The following ZGRF1 variants were observed in gnomAD, a reference collection of about 807,000 sequenced individuals.
ZGRF1 encodes the protein zinc finger GRF-type containing 1.
ZGRF1 carries 196 observed loss-of-function variants against 203.5 expected under a neutral mutation model. That is an observed-to-expected ratio of 0.96 (90% CI 0.86 to 1.08). The LOEUF (loss-of-function observed/expected upper bound fraction) is 1.08. Ranked by LOEUF, ZGRF1 falls within the 50% of genes least tolerant of loss-of-function variation. The pLI, the probability that ZGRF1 is intolerant of heterozygous loss-of-function variation, is 0.00. For missense variants in ZGRF1, 2,326 were observed against 2,416.3 expected (o/e 0.96, Z 0.78); for synonymous variants, 809 against 841.3 (o/e 0.96, Z 0.66).
chr4:112,612,284 A>T (rs2046710841), intron 7 of ZGRF1, among the ~76,000 whole-genome samples: 1 of 152,068 alleles, frequency 6.6e-6, no homozygotes. Flanking sequence ...GTGTTTTTTA[A>T]CAAACAAAAT....
At chr4:112,560,009 A>G (rs992291324) in intron 19 of ZGRF1, among the ~76,000 whole-genome samples, 8 of 152,220 alleles carry the variant, frequency 5.3e-5, no homozygotes, top group Non-Finnish European at 1.0e-4. Flanking sequence ...GGATTAAGAG[A>G]GAGTCACTTA....
rs1288573660 is a variant in ZGRF1, at chr4:112,577,410, T to C, written c.4438+4253A>G. 5.7e-5 allele frequency among the ~76,000 whole-genome samples: 7 copies of C among 122,336 alleles called. No individual in the cohort carries two copies. The East Asian group carries it at 1.7e-3, about 29-fold the overall frequency. 80.3% of individuals were successfully genotyped at this position (122,336 alleles called of 152,430 possible). On this transcript the variant is annotated intron_variant, in intron 16 of 27. Coordinates refer to ENST00000505019, the MANE Select transcript of ZGRF1 (RefSeq NM_018392.5). ...ACCAGCTAACATCATAATGACAGGA[T>C]CAAATTCACACATAACAATATTAAC...
At position 112,539,692 on chromosome 4, in the gene ZGRF1, T is replaced by TA. The variant is rs1456700286; in HGVS notation, c.6173-4dup. 6.3e-6 allele frequency: 10 copies of TA among 1,589,080 alleles called. No homozygotes were observed. In the African/African-American group the frequency reaches 9.5e-5, roughly 15 times the overall value. On this transcript the variant is annotated splice_region_variant and splice_polypyrimidine_tract_variant and intron_variant, in intron 27 of 27. Coordinates refer to ENST00000505019, the MANE Select transcript of ZGRF1 (RefSeq NM_018392.5). ...ATGTTGCAATCCATCTTCCCTTCCT[T>TA]AAAAAAACATACGACATGAGACAAC...
At chr4:112,626,961 A>T (rs1193682069) in intron 3 of ZGRF1, among the ~76,000 whole-genome samples, 2 of 152,078 alleles carry the variant, frequency 1.3e-5, no homozygotes, top group Non-Finnish European at 2.9e-5. Flanking sequence ...ACCCGCCACC[A>T]TGCCTGGCTC....
intron 16 of ZGRF1, among the ~76,000 whole-genome samples, chr4:112,581,085 G>A (rs1033774356): frequency 3.9e-5 from 6 of 151,912 alleles, no homozygotes; most frequent in African/African-American, 1.5e-4. Flanking sequence ...ACACCACGGA[G>A]TACTATGCAG....
chr4:112,565,119 T>C (rs1742784439), intron 16 of ZGRF1: 2 of 1,395,894 alleles, frequency 1.4e-6, no homozygotes, highest in Non-Finnish European at 2.0e-6. Flanking sequence ...GTTACAGGCC[T>C]GGTACTGTGG....
intron 3 of ZGRF1, chr4:112,630,109 A>G (rs973706671): frequency 6.4e-6 from 1 of 155,534 alleles, no homozygotes; most frequent in African/African-American, 2.4e-5. Flanking sequence ...GTTTAACTTA[A>G]CTAGGTTTAC....
chr4:112,627,507 G>A (rs779178364), intron 3 of ZGRF1, among the ~76,000 whole-genome samples: 15 of 152,266 alleles, frequency 9.9e-5, no homozygotes, highest in South Asian at 4.1e-4. Context: ...TTAAGAGGCC[G>A]AGGCGGGTGG....
At chr4:112,608,568 C>T (rs978992187) in intron 8 of ZGRF1, among the ~76,000 whole-genome samples, 1 of 151,514 alleles carries the variant, frequency 6.6e-6, no homozygotes, top group Non-Finnish European at 1.5e-5. Context: ...TGCGGTGAGC[C>T]GAGATCACAC....
At chr4:112,567,190 A>G (rs1743270200) in intron 16 of ZGRF1, among the ~76,000 whole-genome samples, 4 of 152,036 alleles carry the variant, frequency 2.6e-5, no homozygotes, top group Admixed American at 2.0e-4. Context: ...GGGGCTCTCC[A>G]CCCCATAGCT....
chr4:112,631,596 C>A (rs376025359), intron 3 of ZGRF1, among the ~76,000 whole-genome samples: 1 of 151,918 alleles, frequency 6.6e-6, no homozygotes, highest in Admixed American at 6.6e-5. Context: ...CGTTTGAACC[C>A]GGGAGGCAGA....
intron 11 of ZGRF1, 75 bp from the exon 12 acceptor site, chr4:112,588,004 A>T (rs1251086847): frequency 9.4e-7 from 1 of 1,069,438 alleles, no homozygotes; most frequent in African/African-American, 1.6e-5. Context: ...AACAGTGGGT[A>T]TACAAAAGCA....
At position 112,625,376 on chromosome 4, in the gene ZGRF1, G is replaced by A. The variant is rs192975406; in HGVS notation, c.103-1500C>T. On this transcript the variant is annotated intron_variant, in intron 3 of 27. Coordinates refer to ENST00000505019, the MANE Select transcript of ZGRF1 (RefSeq NM_018392.5). ...CCGAGGCGGCGGATCACGAGGTCAGGAGATCGAGACCATCCTGCTAACACG... is the reference window on the plus strand; with the variant it reads ...CCGAGGCGGCGGATCACGAGGTCAGAAGATCGAGACCATCCTGCTAACACG... Among the ~76,000 whole-genome samples, 608 of 150,848 alleles carry A rather than the reference G, an allele frequency of 4.0e-3. 6 individuals are homozygous for A. Among genetic ancestry groups the A allele is most frequent in the African/African-American group, 0.014 (584 of 40,992 alleles).
rs79937698 is a variant in ZGRF1 at position 112,566,946 on chromosome 4, G to GA, written c.4439-3673dup. Among the ~76,000 whole-genome samples the GA allele has an allele frequency of 7.9e-3, 1,130 of 143,566 alleles. 31 individuals are homozygous for GA. In the East Asian group the frequency reaches 0.096, roughly 12 times the overall value. 94.2% of individuals were successfully genotyped at this position (143,566 alleles called of 152,430 possible). ...CTTCTGGTCCAGAAATCCTCTGGAG[G>GA]AAAAAAAAAAAAATCAGGGTAGCAA... is the stretch of plus-strand genomic sequence containing the variant. On this transcript the variant is annotated intron_variant, in intron 16 of 27. Coordinates refer to ENST00000505019, the MANE Select transcript of ZGRF1 (RefSeq NM_018392.5).
At chr4:112,612,245 C>T (rs1420630076) in intron 7 of ZGRF1, among the ~76,000 whole-genome samples, 1 of 152,188 alleles carries the variant, frequency 6.6e-6, no homozygotes, top group African/African-American at 2.4e-5. Context: ...GGATTACAGG[C>T]GTGAGCCTCC....
At chr4:112,626,785 A>AATTTATTTATTT (rs553664852) in intron 3 of ZGRF1, among the ~76,000 whole-genome samples, 9 of 151,812 alleles carry the variant, frequency 5.9e-5, no homozygotes, top group African/African-American at 2.2e-4. Context: ...TGATACTTCA[A>AATTTATTTATTT]ATTTATTTAT....
At chr4:112,585,904 TAAAAA>T (rs34893186) in intron 13 of ZGRF1, among the ~76,000 whole-genome samples, 179 bp from the exon 14 acceptor site, 1 of 135,236 alleles carries the variant, frequency 7.4e-6, no homozygotes, top group Non-Finnish European at 1.6e-5. Flanking sequence ...CACTTCTAGT[TAAAAA>T]AAAAAAAAAA....
At position 112,584,174 on chromosome 4, in the gene ZGRF1, C is replaced by A. The variant is rs1451708037; in HGVS notation, c.4102G>T (p.Gly1368Cys). Residue 1368 changes from glycine (G) to cysteine (C), a missense_variant and splice_region_variant, in exon 15 of 28, where the codon GGT becomes TGT. Transcript: ENST00000505019. ...CCATCACATGTATAAAAGAGACGAC[C>A]CTAAGGGGAAAGAAAAAAGATCAAC... Reference protein sequence around the residue: ...VMVKKEGPNKGRLFYTCDGPK... With the variant: ...VMVKKEGPNKCRLFYTCDGPK... 4 of 1,554,076 alleles carry A rather than the reference C, an allele frequency of 2.6e-6. No homozygotes were observed. The highest frequency in any genetic ancestry group is 1.4e-5 in the African/African-American group (1 of 71,704).
chr4:112,601,236 C>T (rs1239403034), intron 10 of ZGRF1, among the ~76,000 whole-genome samples: 1 of 151,828 alleles, frequency 6.6e-6, no homozygotes, highest in East Asian at 1.9e-4. Flanking sequence ...GGTGAAACAA[C>T]ATCTCAAAAA....
Sources: allele counts gnomAD v4.1 joint callset (sites outside exome capture counted in the v4.1 genomes callset), GRCh38; gene constraint gnomAD v4.1.1; transcripts MANE v1.5; gene names NCBI Gene and HGNC (gene_info 2026-07-23, HGNC 2026-07-21).